MYO3B: variants seen among roughly 807,000 people sequenced by gnomAD.
MYO3B encodes the protein myosin-IIIb.
Under a neutral mutation model 174.6 loss-of-function variants are expected in MYO3B, and 156 were observed. That is an observed-to-expected ratio of 0.89 (90% confidence interval 0.78 to 1.02). MYO3B has a LOEUF of 1.02. Ranked by LOEUF, MYO3B falls within the 50% of genes least tolerant of loss-of-function variation. MYO3B has a pLI of 0.00. For missense variants in MYO3B, 1,632 were observed against 1,639.4 expected (o/e 1.00, Z 0.08); for synonymous variants, 563 against 569.1 (o/e 0.99, Z 0.15).
At chr2:170,278,541 AT>A (rs2093480339) in intron 7 of MYO3B, among the ~76,000 whole-genome samples, 1 of 152,130 alleles carries the variant, frequency 6.6e-6, no homozygotes, top group Admixed American at 6.6e-5. Context: ...TATGCATAGA[AT>A]GTCTAGTGAT....
intron 6 of MYO3B, among the ~76,000 whole-genome samples, chr2:170,218,220 C>A (rs939865416): frequency 6.6e-6 from 1 of 152,152 alleles, no homozygotes; most frequent in African/African-American, 2.4e-5. Flanking sequence ...TGACCTCCCC[C>A]GCCTCCCATC....
intron 7 of MYO3B, among the ~76,000 whole-genome samples, chr2:170,300,504 G>C (rs957609795): frequency 6.6e-6 from 1 of 152,168 alleles, no homozygotes; most frequent in Admixed American, 6.5e-5. Context: ...AATGTGGATA[G>C]CACTGGTCTC....
chr2:170,611,630 G>T (rs974050229), intron 32 of MYO3B, among the ~76,000 whole-genome samples: 2 of 152,132 alleles, frequency 1.3e-5, no homozygotes, highest in East Asian at 3.8e-4. Context: ...GAATTCAAAA[G>T]CCTCCTACTA....
At chr2:170,650,493 A>G (rs961977799) in intron 32 of MYO3B, among the ~76,000 whole-genome samples, 3 of 152,008 alleles carry the variant, frequency 2.0e-5, no homozygotes, top group Non-Finnish European at 4.4e-5. Flanking sequence ...TCTGTCCTCC[A>G]GGATAGTGAT....
At chr2:170,652,818 G>C (rs189656431) in intron 34 of MYO3B, among the ~76,000 whole-genome samples, 165 bp from the exon 35 acceptor site, 152 of 152,236 alleles carry the variant, frequency 1.0e-3, no homozygotes, top group African/African-American at 3.6e-3. Context: ...TCAGACCCTG[G>C]TACCTCTGTA....
chr2:170,623,720 GT>G (rs1383911725), intron 32 of MYO3B, among the ~76,000 whole-genome samples: 1 of 152,190 alleles, frequency 6.6e-6, no homozygotes, highest in East Asian at 1.9e-4. Flanking sequence ...TAACATTTAA[GT>G]TTTTAATCCA....
intron 32 of MYO3B, among the ~76,000 whole-genome samples, chr2:170,569,861 GAAAA>G (rs34549360): frequency 5.5e-5 from 5 of 91,484 alleles, no homozygotes; most frequent in South Asian, 3.5e-4. Flanking sequence ...GCTCTATCTC[GAAAA>G]AAAAAAAAAA....
Position 170,543,996 on chromosome 2 carries a change from GA to G in MYO3B, c.3733+10del. ...GAGCCCCTCAAAAGCCTGGTAAGAA[GA>G]ACGTTTTGAATTGCATGCGGCTTCT... On this transcript the variant is annotated intron_variant, in intron 32 of 34. Coordinates refer to ENST00000408978, the MANE Select transcript of MYO3B (RefSeq NM_138995.5). The G allele has an allele frequency of 6.2e-7, 1 of 1,600,294 alleles. No individual in the cohort carries two copies. The highest frequency in any genetic ancestry group is 8.6e-7 in the Non-Finnish European group (1 of 1,168,272).
At chr2:170,383,295 G>A (rs1387691701) in intron 11 of MYO3B, 106 bp downstream of exon 11, 4 of 718,644 alleles carry the variant, frequency 5.6e-6, no homozygotes, top group Non-Finnish European at 9.7e-6. Flanking sequence ...TACCCTAGAT[G>A]TATATACTCC....
chr2:170,608,324 A>T lies in MYO3B; in HGVS notation c.3734-43304A>T, dbSNP rs1428502019. Among the ~76,000 whole-genome samples, 5 of 152,218 alleles carry T rather than the reference A, an allele frequency of 3.3e-5. No homozygotes were observed. In the East Asian group the frequency reaches 9.6e-4, roughly 29 times the overall value. ...TACAAGATACAGATATTTATATGTA[A>T]GTGCCACAGACTTCTGAGTACAGTT... On this transcript the variant is annotated intron_variant, in intron 32 of 34. Transcript: ENST00000408978.
intron 24 of MYO3B, among the ~76,000 whole-genome samples, chr2:170,464,081 T>C (rs1360567009): frequency 2.0e-5 from 3 of 152,112 alleles, no homozygotes; most frequent in African/African-American, 7.2e-5. Flanking sequence ...GCCGAGCACA[T>C]TGGCTCACAC....
intron 25 of MYO3B, among the ~76,000 whole-genome samples, chr2:170,495,880 G>A (rs1046100724): frequency 1.3e-5 from 2 of 152,206 alleles, no homozygotes; most frequent in South Asian, 2.1e-4. Context: ...TGTGCTCCAT[G>A]ACACAATCTT....
At chr2:170,480,389 G>A (rs1306039273) in intron 25 of MYO3B, among the ~76,000 whole-genome samples, 3 of 152,124 alleles carry the variant, frequency 2.0e-5, no homozygotes, top group Admixed American at 6.6e-5. Context: ...GTTCCTGGAG[G>A]GTGGCACACC....
At chr2:170,230,010 A>G (rs60801799) in intron 6 of MYO3B, among the ~76,000 whole-genome samples, 43,907 of 152,090 alleles carry the variant, frequency 0.29, 6,748 homozygotes, top group East Asian at 0.41. Flanking sequence ...CTGATTAAAA[A>G]AAATCTGCCA....
intron 32 of MYO3B, chr2:170,601,775 T>C: frequency 7.4e-7 from 1 of 1,354,030 alleles, no homozygotes; most frequent in Non-Finnish European, 1.0e-6. Context: ...TATTTTTCCT[T>C]CAGCTTTGCA....
rs984121784 is a variant in MYO3B, at chr2:170,402,110, G to A, written c.2129+419G>A. The stretch of plus-strand genomic sequence containing the variant: ...GCTGGGAGCTGGACAAACTGGGTTC[G>A]CACCCAAACTCTACAGCTTAACCCA... On this transcript the variant is annotated intron_variant, in intron 18 of 34. Transcript: ENST00000408978. Among the ~76,000 whole-genome samples, 7 of 152,164 alleles carry A rather than the reference G, an allele frequency of 4.6e-5. No homozygotes were observed. In the South Asian group the frequency reaches 6.2e-4, roughly 14 times the overall value.
intron 25 of MYO3B, among the ~76,000 whole-genome samples, chr2:170,473,276 G>A (rs1685099013): frequency 1.3e-5 from 2 of 150,296 alleles, no homozygotes; most frequent in Non-Finnish European, 3.0e-5. Flanking sequence ...CCGAGTAGCT[G>A]GGACTACAGG....
chr2:170,520,720 G>A (rs1688625895), intron 30 of MYO3B, among the ~76,000 whole-genome samples: 1 of 152,024 alleles, frequency 6.6e-6, no homozygotes, highest in African/African-American at 2.4e-5. Flanking sequence ...AAGCTGCAGG[G>A]CCCGATACCC....
chr2:170,597,372 G>GAA (rs1045370668), intron 32 of MYO3B, among the ~76,000 whole-genome samples: 83 of 61,340 alleles, frequency 1.4e-3, no homozygotes, highest in African/African-American at 3.7e-3. Flanking sequence ...CATCTCAAAA[G>GAA]AAAAAAAAAA....
Sources: gnomAD v4.1 joint callset for allele counts (sites outside exome capture counted in the v4.1 genomes callset) on GRCh38, gnomAD v4.1.1 for gene constraint, MANE v1.5 for transcripts, NCBI Gene and HGNC (gene_info 2026-07-23, HGNC 2026-07-21) for gene names.